CDC37: variants seen among roughly 807,000 people sequenced by gnomAD.
CDC37 encodes the protein hsp90 co-chaperone Cdc37.
CDC37 carries 9 observed loss-of-function variants against 46.9 expected under a neutral mutation model. That is an observed-to-expected ratio of 0.19 (90% CI 0.12 to 0.33). The LOEUF (loss-of-function observed/expected upper bound fraction) is 0.33, where lower values mean the gene tolerates loss of function less well. Among genes scored for constraint, CDC37 ranks in the 10% least tolerant of loss-of-function variants. CDC37 has a pLI of 1.00. For synonymous variants in CDC37, 193 were observed against 191.0 expected (o/e 1.01, Z -0.09); for missense variants, 388 against 514.6 (o/e 0.75, Z 2.38).
rs575788536 is a variant in CDC37 at position 10,398,825 on chromosome 19, G to A, written c.103-2622C>T. On this transcript the variant is annotated intron_variant, in intron 1 of 7. Coordinates refer to ENST00000222005, the MANE Select transcript of CDC37 (RefSeq NM_007065.4). This position sits in a 1 kb window ranked among gnomAD's most constrained non-coding sequence, Gnocchi z 4.2. ...TTGTTACTACATGGTCACAGCACCC[G>A]GCTGTGCCACTGACGGGAGATGGAA... 2.6e-5 allele frequency among the ~76,000 whole-genome samples: 4 copies of A among 152,142 alleles called. No individual in the cohort carries two copies. The highest frequency in any genetic ancestry group is 4.8e-5 in the African/African-American group (2 of 41,438).
intron 7 of CDC37, 149 bp from the exon 8 acceptor site, chr19:10,391,855 A>G (rs1708052192): frequency 1.0e-5 from 8 of 776,026 alleles, no homozygotes; most frequent in African/African-American, 3.5e-5. Flanking sequence ...CCCAGGCTGG[A>G]GTGCAGTGGT....
chr19:10,395,002 G>T lies in CDC37; in HGVS notation c.726+19C>A. ...CTGGGGAGGGGGCCTCCAGCCACCT[G>T]GCAGCTCAGGGACCCTACCTTAATC... On this transcript the variant is annotated intron_variant, in intron 5 of 7. Coordinates refer to ENST00000222005, the MANE Select transcript of CDC37 (RefSeq NM_007065.4). The T allele has an allele frequency of 6.6e-7, 1 of 1,510,740 alleles. No individual in the cohort carries two copies. The highest frequency in any genetic ancestry group is 8.8e-7 in the Non-Finnish European group (1 of 1,131,790). The allele number at this position is 1,510,740 out of a possible 1,614,324, so 93.6% of individuals were successfully genotyped here.
Position 10,403,462 on chromosome 19 carries a change from C to T in CDC37, c.18G>A (p.Val6=). The T allele has an allele frequency of 1.2e-6, 2 of 1,613,356 alleles. No individual in the cohort carries two copies. Among genetic ancestry groups the T allele is most frequent in the Non-Finnish European group, 8.5e-7 (1 of 1,179,780 alleles). The change falls in exon 1 of 8, where the codon GTG becomes GTA. Residue 6 remains valine (V), a synonymous_variant. Transcript: ENST00000222005. Reference sequence around the variant, plus strand: ...CATCAGACACCTCAATGTGGTCCCACACGCTGTAGTCCACCATCTTGCCTT... The same window carrying T: ...CATCAGACACCTCAATGTGGTCCCATACGCTGTAGTCCACCATCTTGCCTT... MVDYS[V]WDHIEVSDDE...
rs779210829 is a variant in CDC37, at chr19:10,396,207, C to T, written c.103-4G>A. The T allele has an allele frequency of 1.2e-6, 2 of 1,611,820 alleles. No individual in the cohort carries two copies. The highest frequency in any genetic ancestry group is 1.7e-5 in the Admixed American group (1 of 59,896). ...GCTCCATGCGTTCCACCCGGGCCTG[C>T]GGGCAGGGACGGCCTATCAACTCTG... On this transcript the variant is annotated splice_polypyrimidine_tract_variant and splice_region_variant and intron_variant, in intron 1 of 7. Coordinates refer to ENST00000222005, the MANE Select transcript of CDC37 (RefSeq NM_007065.4). This position sits in a 1 kb window ranked among gnomAD's most constrained non-coding sequence, Gnocchi z 5.9.
intron 5 of CDC37, among the ~76,000 whole-genome samples, chr19:10,394,584 T>G (rs758172786): frequency 3.3e-5 from 5 of 152,148 alleles, no homozygotes; most frequent in Non-Finnish European, 7.3e-5. Context: ...TTGCCTAGGC[T>G]GAAGTGCAAT....
rs1331572107 is a variant in CDC37 at position 10,396,120 on chromosome 19, G to A, written c.186C>T (p.Ala62=). ...RGCRECKRKV[A]ECQRKLKELE... Reference sequence around the variant, plus strand: ...GCTCCTTCAGTTTCCTCTGGCACTCGGCCACCTTGCGCTTGCACTCGCGGC... The same window carrying A: ...GCTCCTTCAGTTTCCTCTGGCACTCAGCCACCTTGCGCTTGCACTCGCGGC... Residue 62 remains alanine, a synonymous_variant, in exon 2 of 8, where the codon GCC becomes GCT. Transcript: ENST00000222005. This position sits in a 1 kb window ranked among gnomAD's most constrained non-coding sequence, Gnocchi z 5.9. 11 of 1,613,906 alleles carry A rather than the reference G, an allele frequency of 6.8e-6. No individual in the cohort carries two copies. The East Asian group carries it at 1.6e-4, about 23-fold the overall frequency.
intron 1 of CDC37, among the ~76,000 whole-genome samples, chr19:10,400,389 AT>A (rs979250342): frequency 4.7e-5 from 7 of 149,780 alleles, no homozygotes; most frequent in Non-Finnish European, 6.0e-5. Flanking sequence ...AAACTTTGAA[AT>A]TTTTTTTTTT....
At chr19:10,397,390 GGT>G (rs2042497811) in intron 1 of CDC37, among the ~76,000 whole-genome samples, 1 of 150,244 alleles carries the variant, frequency 6.7e-6, no homozygotes, top group African/African-American at 2.5e-5. Context: ...TGGGACTACA[GGT>G]GCACACAAAC....
rs1244228562 is a variant in CDC37 at position 10,391,325 on chromosome 19, G to A, written c.*226C>T. Reference sequence around the variant, plus strand: ...ACCCCCGGGCCTTTGGCATAATGCTGATGGGGGGCTGCAGGCAGTGAAGCC... The same window carrying A: ...ACCCCCGGGCCTTTGGCATAATGCTAATGGGGGGCTGCAGGCAGTGAAGCC... On this transcript the variant is annotated 3_prime_UTR_variant, in exon 8 of 8. Coordinates refer to ENST00000222005, the MANE Select transcript of CDC37 (RefSeq NM_007065.4). The A allele has an allele frequency of 1.7e-6, 1 of 571,912 alleles. No individual in the cohort carries two copies. The highest frequency in any genetic ancestry group is 3.1e-6 in the Non-Finnish European group (1 of 320,278). 35.4% of individuals were successfully genotyped at this position (571,912 alleles called of 1,614,324 possible). A position where few individuals can be genotyped will look rare whatever the true frequency, so the allele number is the denominator to read the frequency against.
rs7250737 is a variant in CDC37, at chr19:10,398,491, C to T, written c.103-2288G>A. ...GTCCTAGCCCACAGCCACCATGTAC[C>T]GGCTGGGTATCCCGGGCCATCCCCT... On this transcript the variant is annotated intron_variant, in intron 1 of 7. Coordinates refer to ENST00000222005, the MANE Select transcript of CDC37 (RefSeq NM_007065.4). The surrounding 1 kb of genome is among the most constrained non-coding windows in gnomAD (Gnocchi z 4.2). Among the ~76,000 whole-genome samples, 3,164 of 152,328 alleles carry T rather than the reference C, an allele frequency of 0.021. 103 individuals are homozygous for T. The highest frequency in any genetic ancestry group is 0.071 in the African/African-American group (2,950 of 41,558).
chr19:10,395,834 G>T, intron 2 of CDC37, 94 bp downstream of exon 2: 4 of 1,427,400 alleles, frequency 2.8e-6, no homozygotes, highest in East Asian at 2.3e-5. Context: ...CACCACCGGG[G>T]TCCTCCCCTG....
chr19:10,400,171 C>T (rs2042511650), intron 1 of CDC37, among the ~76,000 whole-genome samples: 1 of 152,062 alleles, frequency 6.6e-6, no homozygotes, highest in African/African-American at 2.4e-5. Context: ...CGGGGAGGGG[C>T]TGTAGCAGGC....
Position 10,393,380 on chromosome 19 carries a change from A to T in CDC37, c.788T>A (p.Val263Glu). 1 of 1,613,912 alleles carries T rather than the reference A, an allele frequency of 6.2e-7. No individual in the cohort carries two copies. The highest frequency in any genetic ancestry group is 2.2e-5 in the East Asian group (1 of 44,864). The change falls in exon 6 of 8, where the codon GTG (valine) becomes GAG (glutamate). Residue 263 changes from valine to glutamate, a missense_variant. Transcript: ENST00000222005. This position sits in a 1 kb window ranked among gnomAD's most constrained non-coding sequence, Gnocchi z 4.9. ...GATGCGCAGCTTGGCACGGCCCCGC[A>T]CACGCTCCTTGAAGGCTTCCAGCTC... ...NDELEAFKER[V>E]RGRAKLRIEK...
rs573480956 is a variant in CDC37 at position 10,393,962 on chromosome 19, T to C, written c.727-521A>G. On this transcript the variant is annotated intron_variant, in intron 5 of 7. Transcript: ENST00000222005. This position sits in a 1 kb window ranked among gnomAD's most constrained non-coding sequence, Gnocchi z 4.9. Reference sequence around the variant, plus strand: ...AAAATTAACCGGGCATGGTGGCACATGCCTGTAGTCCCAGCTACTCAGGAG... The same window carrying C: ...AAAATTAACCGGGCATGGTGGCACACGCCTGTAGTCCCAGCTACTCAGGAG... Among the ~76,000 whole-genome samples the C allele has an allele frequency of 6.6e-6, 1 of 152,260 alleles. No individual in the cohort carries two copies. Among genetic ancestry groups the C allele is most frequent in the South Asian group, 2.1e-4 (1 of 4,822 alleles).
intron 1 of CDC37, among the ~76,000 whole-genome samples, chr19:10,399,463 GAA>G (rs55717539): frequency 4.2e-4 from 16 of 38,162 alleles, no homozygotes; most frequent in African/African-American, 1.5e-3. Flanking sequence ...GACCCTGTCT[GAA>G]AAAAAAAAAA....
At chr19:10,394,882 C>T (rs2042478777) in intron 5 of CDC37, 139 bp downstream of exon 5, 3 of 947,548 alleles carry the variant, frequency 3.2e-6, no homozygotes, top group African/African-American at 3.4e-5. Context: ...TCCTCCCTGG[C>T]CCCACCCTCT....
At chr19:10,394,134 G>A (rs961039291) in intron 5 of CDC37, among the ~76,000 whole-genome samples, 1 of 152,038 alleles carries the variant, frequency 6.6e-6, no homozygotes, top group Non-Finnish European at 1.5e-5. Flanking sequence ...GAGGCTGGCA[G>A]GCACCTGTAA....
chr19:10,394,601 A>G (rs1278094905), intron 5 of CDC37, among the ~76,000 whole-genome samples: 4 of 152,170 alleles, frequency 2.6e-5, no homozygotes, highest in Non-Finnish European at 2.9e-5. Flanking sequence ...CAATGGCACG[A>G]TCTCGGCTCA....
chr19:10,391,423 G>GGGCCCCCCAGGCTGGGCC lies in CDC37; in HGVS notation c.*110_*127dup, dbSNP rs2042455703. On this transcript the variant is annotated 3_prime_UTR_variant, in exon 8 of 8. Transcript: ENST00000222005. ...GTGGAGAGGCCAGGGAGGGCTGGGC[G>GGGCCCCCCAGGCTGGGCC]GGCCCCCCAGGCTGGGCCGAGCAGC... The GGGCCCCCCAGGCTGGGCC allele has an allele frequency of 4.4e-6, 5 of 1,131,772 alleles. No homozygotes were observed. The highest frequency in any genetic ancestry group is 6.6e-6 in the Non-Finnish European group (5 of 754,492). 70.1% of individuals were successfully genotyped at this position (1,131,772 alleles called of 1,614,324 possible).
Sources: allele counts gnomAD v4.1 joint callset (sites outside exome capture counted in the v4.1 genomes callset), GRCh38; gene constraint gnomAD v4.1.1; non-coding constraint Gnocchi (gnomAD v3.1); transcripts MANE v1.5; gene names NCBI Gene and HGNC (gene_info 2026-07-23, HGNC 2026-07-21).